Variants in DENND4C observed in about 807,000 individuals in gnomAD.
DENND4C encodes the protein DENN domain-containing protein 4C.
A neutral mutation model predicts 203.0 loss-of-function variants in DENND4C; 108 were observed. The ratio of observed to expected loss-of-function variants is 0.53; its 90% CI spans 0.46 to 0.62. The LOEUF is 0.62. DENND4C is among the 20% of genes least tolerant of loss of function. DENND4C has a pLI of 0.00. For missense variants in DENND4C, 2,481 were observed against 2,301.2 expected, an observed-to-expected ratio of 1.08 and a Z score of -1.60; for synonymous variants, 871 against 792.4, an observed-to-expected ratio of 1.10 and a Z score of -1.67.
At chr9:19,295,115 T>A (rs1051714190) in intron 5 of DENND4C, among the ~76,000 whole-genome samples, 1 of 151,436 alleles carries the variant, frequency 6.6e-6, no homozygotes, top group East Asian at 1.9e-4. Flanking sequence ...CTCATGCCTA[T>A]AATCCCAGCA....
Position 19,276,383 on chromosome 9 carries a change from C to T in DENND4C, c.209C>T (p.Ala70Val). 2 of 1,232,010 alleles carry T rather than the reference C, an allele frequency of 1.6e-6. No homozygotes were observed. Among genetic ancestry groups the T allele is most frequent in the Non-Finnish European group, 2.0e-6 (2 of 987,862 alleles). 76.3% of individuals were successfully genotyped at this position (1,232,010 alleles called of 1,614,324 possible). A position where few individuals can be genotyped will look rare whatever the true frequency, so the allele number is the denominator to read the frequency against. The part of the protein sequence containing the change: ...GYTCVEATPS[A>V]LQANLNYGSL... Reference sequence around the variant, plus strand: ...ACCTGTGTAGAAGCCACTCCATCAGCTCTCCAAGCAAACTTGAACTATGGA... The same window carrying T: ...ACCTGTGTAGAAGCCACTCCATCAGTTCTCCAAGCAAACTTGAACTATGGA... Residue 70 changes from alanine to valine, a missense_variant, in exon 2 of 33, where the codon GCT becomes GTT. Transcript: ENST00000434457.
intron 1 of DENND4C, among the ~76,000 whole-genome samples, chr9:19,239,558 C>T (rs1370538493): frequency 6.6e-6 from 1 of 151,832 alleles, no homozygotes; most frequent in Non-Finnish European, 1.5e-5. Context: ...ACAAAAGTTA[C>T]TCACTGCAAC....
chr9:19,360,622 C>A, intron 29 of DENND4C, 133 bp downstream of exon 29: 1 of 1,220,862 alleles, frequency 8.2e-7, no homozygotes, highest in Non-Finnish European at 1.2e-6. Context: ...TTTGGATAAG[C>A]AGTCCTGGAA....
At chr9:19,335,438 T>G (rs2772403) in intron 18 of DENND4C, among the ~76,000 whole-genome samples, 1 of 151,646 alleles carries the variant, frequency 6.6e-6, no homozygotes, top group Non-Finnish European at 1.5e-5. Flanking sequence ...GTTCAATAGA[T>G]TTCTTGAATT....
At chr9:19,364,056 G>A (rs1827098362) in intron 30 of DENND4C, among the ~76,000 whole-genome samples, 1 of 152,068 alleles carries the variant, frequency 6.6e-6, no homozygotes, top group African/African-American at 2.4e-5. Flanking sequence ...GGTGGCTTAC[G>A]CCCGTAACCA....
In DENND4C at chr9:19,316,736, C is replaced by T. The variant is rs1173341506; in HGVS notation, c.1704C>T (p.Arg568=). 2.5e-6 allele frequency: 4 copies of T among 1,614,046 alleles called. No individual in the cohort carries two copies. The highest frequency in any genetic ancestry group is 3.3e-5 in the Admixed American group (2 of 60,010). ...TGGAAATTCAAGAGGCATTTTTGCGCTTTATGGCGTCTATTTTAAAAGGAT... is the reference window on the plus strand; with the variant it reads ...TGGAAATTCAAGAGGCATTTTTGCGTTTTATGGCGTCTATTTTAAAAGGAT... ...LEMEIQEAFL[R]FMASILKGYR... The change falls in exon 12 of 33, where the codon CGC becomes CGT. Residue 568 remains arginine, a synonymous_variant. Transcript: ENST00000434457.
chr9:19,345,264 T>G lies in DENND4C; in HGVS notation c.3152-657T>G, dbSNP rs962632727. Among the ~76,000 whole-genome samples, 8 of 152,356 alleles carry G rather than the reference T, an allele frequency of 5.3e-5. No individual in the cohort carries two copies. In the East Asian group the frequency reaches 1.5e-3, roughly 29 times the overall value. ...GCTGCTATGGCCATTAGCATATTTT[T>G]TCTCTACCTGATCAAATAAGACTGA... On this transcript the variant is annotated intron_variant, in intron 22 of 32. Transcript: ENST00000434457.
chr9:19,257,582 C>G (rs1033480925), intron 1 of DENND4C, among the ~76,000 whole-genome samples: 2 of 151,210 alleles, frequency 1.3e-5, no homozygotes, highest in African/African-American at 4.9e-5. Flanking sequence ...AAATATGAAA[C>G]AGAAAAGCAA....
chr9:19,331,789 A>G (rs1819272700), intron 16 of DENND4C, among the ~76,000 whole-genome samples, 189 bp from the exon 17 acceptor site: 1 of 152,240 alleles, frequency 6.6e-6, no homozygotes, highest in Admixed American at 6.5e-5. Context: ...ATGAAGTATT[A>G]CTGTAAATGA....
rs1224549082 is a variant in DENND4C, at chr9:19,346,035, T to C, written c.3266T>C (p.Phe1089Ser). Reference sequence around the variant, plus strand: ...AGAGGAGAAAAAAGACAAAAGCATTTTCCTGAGAGGAGTTGTAGTTTTAGT... The same window carrying C: ...AGAGGAGAAAAAAGACAAAAGCATTCTCCTGAGAGGAGTTGTAGTTTTAGT... Reference protein sequence around the residue: ...GDRGEKRQKHFPERSCSFSSE... With the variant: ...GDRGEKRQKHSPERSCSFSSE... The change falls in exon 23 of 33, where the codon TTT (phenylalanine) becomes TCT (serine). Residue 1089 changes from phenylalanine (F) to serine (S), a missense_variant. Physicochemically the swap from Phe to Ser is radical, Grantham distance 155 (BLOSUM62 -2). Coordinates refer to ENST00000434457, the MANE Select transcript of DENND4C (RefSeq NM_001330640.2). 6.8e-6 allele frequency: 11 copies of C among 1,614,064 alleles called. No homozygotes were observed. In the African/African-American group the frequency reaches 1.2e-4, roughly 18 times the overall value.
intron 20 of DENND4C, among the ~76,000 whole-genome samples, chr9:19,340,080 G>T (rs1821280376): frequency 6.6e-6 from 1 of 152,088 alleles, no homozygotes; most frequent in Non-Finnish European, 1.5e-5. Context: ...TACCTTCTCT[G>T]TCTGAGCTCT....
chr9:19,357,735 A>G (rs1416760082), intron 27 of DENND4C: 1 of 407,092 alleles, frequency 2.5e-6, no homozygotes, highest in Non-Finnish European at 4.4e-6. Flanking sequence ...ATACCTGTAT[A>G]TCTACAATAT....
chr9:19,339,359 A>G lies in DENND4C; in HGVS notation c.2882-1633A>G, dbSNP rs1202173747. Among the ~76,000 whole-genome samples, 4 of 152,290 alleles carry G rather than the reference A, an allele frequency of 2.6e-5. No homozygotes were observed. In the East Asian group the frequency reaches 5.8e-4, roughly 22 times the overall value. On this transcript the variant is annotated intron_variant, in intron 20 of 32. Coordinates refer to ENST00000434457, the MANE Select transcript of DENND4C (RefSeq NM_001330640.2). ...TTTCTTTAGTCTTCCTTAACCTGGC[A>G]TAGTTCTTTAGCCTTTAAAAAATCT...
intron 2 of DENND4C, among the ~76,000 whole-genome samples, chr9:19,282,572 A>AAAAAT (rs1249619446): frequency 1.3e-4 from 19 of 147,498 alleles, no homozygotes; most frequent in East Asian, 1.0e-3. Flanking sequence ...AAAAAAAAAA[A>AAAAAT]AAATAATGGG....
At chr9:19,292,099 A>G (rs182610482) in intron 5 of DENND4C, among the ~76,000 whole-genome samples, 36 of 152,082 alleles carry the variant, frequency 2.4e-4, no homozygotes, top group Admixed American at 1.0e-3. Flanking sequence ...ATCTCGGCTC[A>G]CTGCAACCTC....
In DENND4C at chr9:19,271,228, C is replaced by A. The variant is rs141665315; in HGVS notation, c.-17-4930C>A. ...TTTTTTTTTTTTTTTTTGAGACAGT[C>A]TTGCTCTGCCACCCAGGTTGGAATG... is the stretch of plus-strand genomic sequence containing the variant. On this transcript the variant is annotated intron_variant, in intron 1 of 32. Transcript: ENST00000434457. Among the ~76,000 whole-genome samples, 356 of 122,122 alleles carry A rather than the reference C, an allele frequency of 2.9e-3. 1 individual carries two copies. Among genetic ancestry groups the A allele is most frequent in the African/African-American group, 0.011 (349 of 31,556 alleles). The allele number at this position is 122,122 out of a possible 152,430, so 80.1% of individuals were successfully genotyped here.
Position 19,326,103 on chromosome 9 carries a change from C to G in DENND4C, c.2029C>G (p.Leu677Val). The change falls in exon 15 of 33, where the codon CTA becomes GTA. Residue 677 changes from leucine (L) to valine (V), a missense_variant. This residue lies in a region of DENND4C where 2,289 missense variants were observed against 2,113.3 expected (regional missense o/e 1.08). Coordinates refer to ENST00000434457, the MANE Select transcript of DENND4C (RefSeq NM_001330640.2). ...DSAEDTRLIE[L>V]DDSQKSEHTV... Reference sequence around the variant, plus strand: ...AGCAGAAGATACCAGATTGATAGAACTAGATGATTCACAGAAAAGTGAGCA... The same window carrying G: ...AGCAGAAGATACCAGATTGATAGAAGTAGATGATTCACAGAAAAGTGAGCA... The G allele has an allele frequency of 1.2e-6, 2 of 1,612,856 alleles. No homozygotes were observed. The highest frequency in any genetic ancestry group is 1.7e-6 in the Non-Finnish European group (2 of 1,179,580).
At position 19,305,443 on chromosome 9, in the gene DENND4C, T is replaced by A. The variant is rs147017743; in HGVS notation, c.1403T>A (p.Val468Asp). 6.2e-7 allele frequency: 1 copy of A among 1,614,034 alleles called. No individual in the cohort carries two copies. The highest frequency in any genetic ancestry group is 1.1e-5 in the South Asian group (1 of 91,080). Residue 468 changes from valine to aspartate, a missense_variant, in exon 10 of 33, where the codon GTT (valine) becomes GAT (aspartate). Val to Asp is a radical substitution (Grantham distance 152). Coordinates refer to ENST00000434457, the MANE Select transcript of DENND4C (RefSeq NM_001330640.2). Reference sequence around the variant, plus strand: ...CTTAGTGCACCTTTACCATTTATAGTTGGAGTTGACTCAAGGTATTTTGAT... The same window carrying A: ...CTTAGTGCACCTTTACCATTTATAGATGGAGTTGACTCAAGGTATTTTGAT... Reference protein sequence around the residue: ...AVLSAPLPFIVGVDSRYFDLH... With the variant: ...AVLSAPLPFIDGVDSRYFDLH...
chr9:19,297,993 G>T lies in DENND4C; in HGVS notation c.1041-63G>T, dbSNP rs969175695. ...TGATATATAGTGATATTTAAGATTTGTTAAAAACTGTGATGCATTTAGAAA... is the reference window on the plus strand; with the variant it reads ...TGATATATAGTGATATTTAAGATTTTTTAAAAACTGTGATGCATTTAGAAA... On this transcript the variant is annotated intron_variant, in intron 6 of 32. Transcript: ENST00000434457. The T allele has an allele frequency of 1.9e-4, 251 of 1,305,480 alleles. 1 individual carries two copies. In the South Asian group the frequency reaches 3.3e-3, roughly 17 times the overall value. 80.9% of individuals were successfully genotyped at this position (1,305,480 alleles called of 1,614,324 possible).
Sources: gnomAD v4.1 joint callset for allele counts (sites outside exome capture counted in the v4.1 genomes callset) on GRCh38, gnomAD v4.1.1 for gene constraint, gnomAD v4.1.1 regional missense constraint, MANE v1.5 for transcripts, NCBI Gene and HGNC (gene_info 2026-07-23, HGNC 2026-07-21) for gene names.